Variants in SLC30A8 observed in about 807,000 individuals in gnomAD.
SLC30A8 encodes the protein solute carrier family 30 member 8.
Under a neutral mutation model 36.9 loss-of-function variants are expected in SLC30A8, and 27 were observed. The ratio of observed to expected loss-of-function variants is 0.73; its 90% CI spans 0.54 to 1.01. The LOEUF (loss-of-function observed/expected upper bound fraction) is 1.01. Among genes scored for constraint, SLC30A8 ranks in the 50% least tolerant of loss-of-function variants. The pLI, the probability that SLC30A8 is intolerant of heterozygous loss-of-function variation, is 0.00. For missense variants in SLC30A8, 439 were observed against 452.0 expected (o/e 0.97, Z 0.26); for synonymous variants, 164 against 172.4 (o/e 0.95, Z 0.38).
Position 117,157,857 on chromosome 8 carries a change from C to G in SLC30A8, c.572+13C>G. The stretch of plus-strand genomic sequence containing the variant: ...CGGCCAACATTGTGTAAGTCATCCC[C>G]TGGTCCCCACACACTGCTCATGAGG... On this transcript the variant is annotated intron_variant, in intron 4 of 7. Transcript: ENST00000456015. The G allele has an allele frequency of 6.2e-7, 1 of 1,613,546 alleles. No homozygotes were observed. The highest frequency in any genetic ancestry group is 8.5e-7 in the Non-Finnish European group (1 of 1,179,764).
In SLC30A8 at chr8:117,162,891, T is replaced by G. The variant is rs188736717; in HGVS notation, c.724-534T>G. Among the ~76,000 whole-genome samples, 10 of 152,330 alleles carry G rather than the reference T, an allele frequency of 6.6e-5. No homozygotes were observed. The East Asian group carries it at 1.9e-3, about 29-fold the overall frequency. The stretch of plus-strand genomic sequence containing the variant: ...CAAGGATGATACTTTGGTTCACACC[T>G]TTAAGACTGCATCAAAGATGCCAGC... On this transcript the variant is annotated intron_variant, in intron 5 of 7. Transcript: ENST00000456015.
At chr8:117,073,307 AGTGCAGTG>A (rs1410632612) in intron 2 of SLC30A8, among the ~76,000 whole-genome samples, 1 of 147,394 alleles carries the variant, frequency 6.8e-6, no homozygotes, top group Non-Finnish European at 1.5e-5. Context: ...CCCAGGCTGG[AGTGCAGTG>A]GTGTGATCTC....
intron 2 of SLC30A8, among the ~76,000 whole-genome samples, chr8:117,107,540 T>C (rs896912407): frequency 6.6e-6 from 1 of 152,196 alleles, no homozygotes; most frequent in African/African-American, 2.4e-5. Flanking sequence ...ATGAGGATTG[T>C]TATTTAAGGG....
chr8:117,084,220 G>A (rs1331676211), intron 2 of SLC30A8, among the ~76,000 whole-genome samples: 1 of 152,104 alleles, frequency 6.6e-6, no homozygotes, highest in African/African-American at 2.4e-5. Flanking sequence ...AAGAGGAGAA[G>A]AATAAAGAAA....
chr8:117,062,504 C>T (rs1046626315), intron 2 of SLC30A8, among the ~76,000 whole-genome samples: 3 of 152,258 alleles, frequency 2.0e-5, no homozygotes, highest in Admixed American at 6.5e-5. Context: ...CACTCATCAC[C>T]AAGGCAAGGG....
At chr8:117,021,922 A>G (rs1282558104) in intron 1 of SLC30A8, among the ~76,000 whole-genome samples, 1 of 152,108 alleles carries the variant, frequency 6.6e-6, no homozygotes, top group African/African-American at 2.4e-5. Context: ...TGACCTTTTT[A>G]AAGAATGATA....
At chr8:117,161,629 A>T in intron 4 of SLC30A8, 109 bp from the exon 5 acceptor site, 2 of 1,014,228 alleles carry the variant, frequency 2.0e-6, no homozygotes, top group Non-Finnish European at 2.9e-6. Context: ...TAAATATTTC[A>T]ACTATCCATC....
intron 1 of SLC30A8, among the ~76,000 whole-genome samples, chr8:117,008,749 T>C (rs1200134795): frequency 6.6e-6 from 1 of 152,220 alleles, no homozygotes; most frequent in Non-Finnish European, 1.5e-5. Context: ...CTGCTTCAGG[T>C]CATGCTTTGT....
At chr8:117,155,904 A>G (rs1334417166) in intron 3 of SLC30A8, among the ~76,000 whole-genome samples, 2 of 152,264 alleles carry the variant, frequency 1.3e-5, no homozygotes, top group Admixed American at 6.5e-5. Context: ...TTGCATGTCT[A>G]TGTCCAGGTT....
chr8:117,172,645 C>T lies in SLC30A8; in HGVS notation c.1074C>T (p.Asp358=), dbSNP rs1362519239. Residue 358 remains aspartate (D), a synonymous_variant, in exon 8 of 8, where the codon GAC becomes GAT. Coordinates refer to ENST00000456015, the MANE Select transcript of SLC30A8 (RefSeq NM_173851.3). ...TIQMESPVDQ[D]PDCLFCEDPC... is the part of the protein sequence containing the mutation. ...AGATGGAATCTCCAGTTGACCAGGA[C>T]CCCGACTGCCTTTTCTGTGAAGACC... The T allele has an allele frequency of 2.5e-6, 4 of 1,613,720 alleles. No individual in the cohort carries two copies. Among genetic ancestry groups the T allele is most frequent in the Non-Finnish European group, 2.5e-6 (3 of 1,179,706 alleles).
intron 2 of SLC30A8, among the ~76,000 whole-genome samples, chr8:117,056,852 G>A (rs1817886902): frequency 6.6e-6 from 1 of 152,120 alleles, no homozygotes; most frequent in Non-Finnish European, 1.5e-5. Flanking sequence ...CCAAATATAG[G>A]GAGGCATTGC....
At chr8:116,956,935 A>G (rs922664536) in intron 1 of SLC30A8, among the ~76,000 whole-genome samples, 7 of 152,210 alleles carry the variant, frequency 4.6e-5, no homozygotes, top group Admixed American at 3.3e-4. Context: ...ATCATTGGCT[A>G]TGTGATCACA....
At chr8:116,957,044 C>A (rs563264500) in intron 1 of SLC30A8, among the ~76,000 whole-genome samples, 2 of 152,124 alleles carry the variant, frequency 1.3e-5, no homozygotes, top group Non-Finnish European at 2.9e-5. Flanking sequence ...TACAGATTAT[C>A]ATCTGTACAG....
intron 2 of SLC30A8, among the ~76,000 whole-genome samples, chr8:117,051,213 G>A (rs1343629247): frequency 1.3e-5 from 2 of 152,208 alleles, no homozygotes; most frequent in African/African-American, 2.4e-5. Flanking sequence ...TGTTAAAATT[G>A]TACTGACTCG....
intron 2 of SLC30A8, among the ~76,000 whole-genome samples, chr8:117,151,312 T>A (rs542757277): frequency 2.0e-5 from 3 of 152,304 alleles, no homozygotes; most frequent in African/African-American, 7.2e-5. Context: ...GTTATTTGTT[T>A]ATCTTTGTAT....
chr8:116,988,443 G>A (rs1815524525), intron 1 of SLC30A8, among the ~76,000 whole-genome samples: 1 of 152,186 alleles, frequency 6.6e-6, no homozygotes, highest in African/African-American at 2.4e-5. Flanking sequence ...ATATCATGAT[G>A]TCTCTTGCTT....
chr8:117,163,018 G>T (rs143188724), intron 5 of SLC30A8, among the ~76,000 whole-genome samples: 1 of 152,330 alleles, frequency 6.6e-6, no homozygotes, highest in African/African-American at 2.4e-5. Context: ...TTCTGAACAA[G>T]TTATGTCCTT....
At chr8:117,154,144 A>G (rs978172767) in intron 3 of SLC30A8, among the ~76,000 whole-genome samples, 4 of 152,166 alleles carry the variant, frequency 2.6e-5, no homozygotes, top group Admixed American at 1.3e-4. Flanking sequence ...GGTTTGTTAC[A>G]TAGGTCAACG....
chr8:117,010,742 G>A (rs1816316312), intron 1 of SLC30A8, among the ~76,000 whole-genome samples: 1 of 152,144 alleles, frequency 6.6e-6, no homozygotes, highest in South Asian at 2.1e-4. Flanking sequence ...TCTGCTTCTG[G>A]GGAGGCCCCG....
Sources: gnomAD v4.1 joint callset for allele counts (sites outside exome capture counted in the v4.1 genomes callset) on GRCh38, gnomAD v4.1.1 for gene constraint, MANE v1.5 for transcripts, NCBI Gene and HGNC (gene_info 2026-07-23, HGNC 2026-07-21) for gene names.